The following ADA2 variants were observed in gnomAD, a reference collection of about 807,000 sequenced individuals.
ADA2 encodes the protein adenosine deaminase 2.
ADA2 carries 29 observed loss-of-function variants against 44.2 expected under a neutral mutation model. The ratio of observed to expected loss-of-function variants is 0.66; its 90% CI spans 0.49 to 0.89. The LOEUF (loss-of-function observed/expected upper bound fraction) is 0.89. Among genes scored for constraint, ADA2 ranks in the 40% least tolerant of loss-of-function variants. The pLI is 0.00. For synonymous variants in ADA2, 215 were observed against 234.9 expected (o/e 0.92, Z 0.77); for missense variants, 637 against 644.8 (o/e 0.99, Z 0.13).
At chr22:17,201,897 T>C (rs2062291463) in intron 4 of ADA2, among the ~76,000 whole-genome samples, 1 of 151,936 alleles carries the variant, frequency 6.6e-6, no homozygotes, top group Non-Finnish European at 1.5e-5. Context: ...TCTTTTGGAC[T>C]CTTTCTACTC....
chr22:17,187,870 C>T (rs977392055), intron 7 of ADA2, among the ~76,000 whole-genome samples: 30 of 151,566 alleles, frequency 2.0e-4, no homozygotes, highest in Admixed American at 6.6e-4. Context: ...TTTGGGAGGC[C>T]GAGGAGGGCA....
At chr22:17,183,735 T>A (rs2062001667) in intron 7 of ADA2, among the ~76,000 whole-genome samples, 1 of 152,090 alleles carries the variant, frequency 6.6e-6, no homozygotes, top group Non-Finnish European at 1.5e-5. Context: ...GTGCTGTGAT[T>A]ATAGGCATGA....
At position 17,194,372 on chromosome 22, in the gene ADA2, T is replaced by TA. The variant is rs1469707616; in HGVS notation, c.754-2563dup. Among the ~76,000 whole-genome samples, 3 of 152,162 alleles carry TA rather than the reference T, an allele frequency of 2.0e-5. No individual in the cohort carries two copies. The East Asian group carries it at 5.8e-4, about 29-fold the overall frequency. The stretch of plus-strand genomic sequence containing the variant: ...TTGCCTCACTCCTGTCTCCCCAGCC[T>TA]AGGGGCCTCCCACACCCCTCCAGGC... On this transcript the variant is annotated intron_variant, in intron 4 of 9. Transcript: ENST00000399837.
intron 4 of ADA2, chr22:17,192,849 C>T (rs2062137230): frequency 1.8e-5 from 7 of 393,310 alleles, no homozygotes; most frequent in Non-Finnish European, 3.4e-5. Context: ...AAGGGGGGGC[C>T]CTCTCTCTTC....
At chr22:17,215,008 A>G (rs2062455468) in intron 1 of ADA2, among the ~76,000 whole-genome samples, 1 of 152,224 alleles carries the variant, frequency 6.6e-6, no homozygotes, top group Admixed American at 6.5e-5. Flanking sequence ...ACCAGGGCAG[A>G]GCCCCAGTAC....
At chr22:17,208,445 GA>G (rs112738666) in intron 2 of ADA2, among the ~76,000 whole-genome samples, 72,657 of 136,420 alleles carry the variant, frequency 0.53, 19,096 homozygotes, top group Non-Finnish European at 0.59. Context: ...GAAAAAAAAA[GA>G]AAAAAAAAAA....
chr22:17,218,632 C>T (rs995545650), intron 1 of ADA2, among the ~76,000 whole-genome samples: 2 of 152,134 alleles, frequency 1.3e-5, no homozygotes, highest in Non-Finnish European at 2.9e-5. Context: ...TCCATCCTCT[C>T]CAAGAAGGAC....
intron 1 of ADA2, among the ~76,000 whole-genome samples, chr22:17,210,147 C>T (rs1295805508): frequency 6.6e-6 from 1 of 151,746 alleles, no homozygotes; most frequent in Non-Finnish European, 1.5e-5. Flanking sequence ...GCCTGGGCCT[C>T]CCAAAGTGCT....
At chr22:17,203,214 G>A (rs1225839372) in intron 4 of ADA2, among the ~76,000 whole-genome samples, 6 of 152,114 alleles carry the variant, frequency 3.9e-5, no homozygotes, top group Non-Finnish European at 8.8e-5. Context: ...CCTGCCATGT[G>A]GCTCCTTTTA....
rs763170250 is a variant in ADA2 at position 17,181,956 on chromosome 22, T to C, written c.1306A>G (p.Met436Val). 6.2e-7 allele frequency: 1 copy of C among 1,614,140 alleles called. No individual in the cohort carries two copies. The highest frequency in any genetic ancestry group is 1.7e-5 in the Admixed American group (1 of 59,998). The change falls in exon 9 of 10, where the codon ATG becomes GTG. Residue 436 changes from methionine to valine, a missense_variant. By Grantham distance (21) the Met-to-Val change is conservative. Coordinates refer to ENST00000399837, the MANE Select transcript of ADA2 (RefSeq NM_001282225.2). ...GCTGGGTCATCAGAGCTGATCACCA[T>C]GGGGTGCCCAGTGGCCATCAGAGTG... ...VATLMATGHP[M>V]VISSDDPAMF...
intron 1 of ADA2, among the ~76,000 whole-genome samples, chr22:17,218,506 C>A (rs916537270): frequency 6.6e-6 from 1 of 152,112 alleles, no homozygotes; most frequent in Non-Finnish European, 1.5e-5. Flanking sequence ...AGCACGGTGA[C>A]TTCTATGTCA....
chr22:17,220,061 T>C (rs1036113380), upstream of ADA2, among the ~76,000 whole-genome samples: 6 of 152,168 alleles, frequency 3.9e-5, no homozygotes, highest in Non-Finnish European at 7.4e-5. Flanking sequence ...ATGTTGGTTT[T>C]GGAAACAAGC....
Position 17,181,585 on chromosome 22 carries a change from A to T in ADA2, c.1443-9T>A. On this transcript the variant is annotated splice_polypyrimidine_tract_variant and intron_variant, in intron 9 of 9. Transcript: ENST00000399837. ...CCAACAGGGTACTGTACCTGCAGGA[A>T]GAGGAGGAGCCCAGGTCAGCCTCAG... is the stretch of plus-strand genomic sequence containing the variant. The T allele has an allele frequency of 6.3e-7, 1 of 1,587,998 alleles. No individual in the cohort carries two copies. Among genetic ancestry groups the T allele is most frequent in the East Asian group, 2.2e-5 (1 of 44,748 alleles).
chr22:17,207,996 G>A (rs903131022), intron 2 of ADA2, among the ~76,000 whole-genome samples: 1 of 152,010 alleles, frequency 6.6e-6, no homozygotes, highest in Non-Finnish European at 1.5e-5. Flanking sequence ...GTCCCTCTGC[G>A]CTTCTTGTGC....
At chr22:17,215,177 G>C (rs2062457428) in intron 1 of ADA2, among the ~76,000 whole-genome samples, 1 of 152,210 alleles carries the variant, frequency 6.6e-6, no homozygotes, top group Non-Finnish European at 1.5e-5. Context: ...AACAAAGGCA[G>C]AAGAGAAAAA....
chr22:17,201,045 T>C (rs2062278623), intron 4 of ADA2, among the ~76,000 whole-genome samples: 1 of 151,614 alleles, frequency 6.6e-6, no homozygotes, highest in African/African-American at 2.4e-5. Flanking sequence ...CCCCATTTAC[T>C]GAAAATACAA....
upstream of ADA2, among the ~76,000 whole-genome samples, chr22:17,219,829 C>T (rs549770561): frequency 6.6e-6 from 1 of 151,982 alleles, no homozygotes; most frequent in African/African-American, 2.4e-5. Context: ...CGTGCGCCAC[C>T]ATGCCCCACT....
intron 6 of ADA2, among the ~76,000 whole-genome samples, chr22:17,189,145 T>C (rs1449278804): frequency 6.6e-6 from 1 of 150,888 alleles, no homozygotes; most frequent in Non-Finnish European, 1.5e-5. Context: ...GCCTCCCAAG[T>C]AGCTGGGATT....
At chr22:17,195,881 G>A (rs1193464627) in intron 4 of ADA2, among the ~76,000 whole-genome samples, 1 of 151,432 alleles carries the variant, frequency 6.6e-6, no homozygotes, top group African/African-American at 2.4e-5. Flanking sequence ...CCGAGTAGCT[G>A]GGATTACAGG....
Sources: gnomAD v4.1 joint callset for allele counts (sites outside exome capture counted in the v4.1 genomes callset) on GRCh38, gnomAD v4.1.1 for gene constraint, MANE v1.5 for transcripts, NCBI Gene and HGNC (gene_info 2026-07-23, HGNC 2026-07-21) for gene names.